The following MIR2052HG variants were observed in gnomAD, a reference collection of about 807,000 sequenced individuals.
MIR2052HG encodes the protein MIR2052 host gene.
At chr8:74,634,849 G>C (rs1426311535) in intron 2 of MIR2052HG, among the ~76,000 whole-genome samples, 1 of 152,000 alleles carries the variant, frequency 6.6e-6, no homozygotes, top group Admixed American at 6.6e-5. Flanking sequence ...GATTCACTGA[G>C]ATTTTGGCAG....
chr8:74,604,233 A>G, intron 1 of MIR2052HG: 1 of 891,692 alleles, frequency 1.1e-6, no homozygotes, highest in South Asian at 1.3e-5. Flanking sequence ...CTTCAATCAC[A>G]CTGGTTTCCA....
intron 2 of MIR2052HG, among the ~76,000 whole-genome samples, chr8:74,660,920 A>T (rs1204751599): frequency 6.6e-6 from 1 of 152,184 alleles, no homozygotes; most frequent in Non-Finnish European, 1.5e-5. Flanking sequence ...TGAAAACCTG[A>T]TAACAGTTGG....
intron 2 of MIR2052HG, among the ~76,000 whole-genome samples, chr8:74,636,613 C>G (rs1477819075): frequency 2.0e-5 from 3 of 152,088 alleles, no homozygotes; most frequent in Admixed American, 1.3e-4. Context: ...GTGTCTTTCA[C>G]CATTTTATGG....
intron 4 of MIR2052HG, among the ~76,000 whole-genome samples, chr8:74,748,310 T>C (rs1440391609): frequency 1.3e-5 from 2 of 152,200 alleles, no homozygotes; most frequent in Non-Finnish European, 2.9e-5. Flanking sequence ...AATAGTGTTC[T>C]TGGTCTAGTA....
At chr8:74,651,337 G>A (rs1229925814) in intron 2 of MIR2052HG, among the ~76,000 whole-genome samples, 2 of 151,918 alleles carry the variant, frequency 1.3e-5, no homozygotes, top group East Asian at 3.9e-4. Flanking sequence ...CCACTATATT[G>A]CAAGGTGAAT....
At position 74,708,154 on chromosome 8, in the gene MIR2052HG, C is replaced by T. The variant is rs535615615; in HGVS notation, n.371+4472C>T. Reference sequence around the variant, plus strand: ...CCTCATAAATTTTATGAAGAGACCCCGTGATCTGGCATCTTGAGTTGGCAT... The same window carrying T: ...CCTCATAAATTTTATGAAGAGACCCTGTGATCTGGCATCTTGAGTTGGCAT... On this transcript the variant is annotated intron_variant and non_coding_transcript_variant, in intron 4 of 6. Transcript: ENST00000523442. Among the ~76,000 whole-genome samples, 10 of 152,146 alleles carry T rather than the reference C, an allele frequency of 6.6e-5. 1 individual carries two copies. The South Asian group carries it at 1.7e-3, about 25-fold the overall frequency.
chr8:74,743,579 A>G (rs1326998546), intron 4 of MIR2052HG, among the ~76,000 whole-genome samples: 3 of 152,206 alleles, frequency 2.0e-5, no homozygotes, highest in Non-Finnish European at 2.9e-5. Context: ...AATCCCAAAC[A>G]ATTAAGCCAA....
chr8:74,733,336 G>T lies in MIR2052HG; in HGVS notation n.372-19105G>T, dbSNP rs532950934. Among the ~76,000 whole-genome samples, 12 of 152,146 alleles carry T rather than the reference G, an allele frequency of 7.9e-5. No homozygotes were observed. The South Asian group carries it at 1.5e-3, about 18-fold the overall frequency. ...TATGAGTGAGTATATGCAGTGTTTG[G>T]TTTTTTGTTCTTGTGACAGTTTACT... On this transcript the variant is annotated intron_variant and non_coding_transcript_variant, in intron 4 of 6. Coordinates refer to ENST00000523442, the Ensembl canonical transcript of MIR2052HG.
rs544052382 is a variant in MIR2052HG, at chr8:74,637,598, T to C, written n.216+24658T>C. Among the ~76,000 whole-genome samples, 8 of 152,312 alleles carry C rather than the reference T, an allele frequency of 5.3e-5. No homozygotes were observed. In the South Asian group the frequency reaches 1.7e-3, roughly 32 times the overall value. On this transcript the variant is annotated intron_variant and non_coding_transcript_variant, in intron 2 of 6. Transcript: ENST00000523442. Reference sequence around the variant, plus strand: ...TAAAGGAAATATAAATAGCACACTTTGGAGAACTTTCATGAGTATCACTCT... The same window carrying C: ...TAAAGGAAATATAAATAGCACACTTCGGAGAACTTTCATGAGTATCACTCT...
At chr8:74,680,826 A>G (rs1200211009) in intron 2 of MIR2052HG, among the ~76,000 whole-genome samples, 6 of 151,512 alleles carry the variant, frequency 4.0e-5, no homozygotes, top group African/African-American at 9.7e-5. Context: ...ATGTCCAACA[A>G]TGATAGACTG....
At chr8:74,678,616 A>G (rs1464555897) in intron 2 of MIR2052HG, among the ~76,000 whole-genome samples, 1 of 150,792 alleles carries the variant, frequency 6.6e-6, no homozygotes, top group African/African-American at 2.4e-5. Flanking sequence ...TTCCCAAGTC[A>G]TTTAATAAGG....
chr8:74,728,713 A>G (rs778525054), intron 4 of MIR2052HG, among the ~76,000 whole-genome samples: 6 of 152,182 alleles, frequency 3.9e-5, no homozygotes, highest in Non-Finnish European at 8.8e-5. Flanking sequence ...ATTAACAAGC[A>G]AAAGAGGTAA....
At chr8:74,738,198 C>T (rs1394611837) in intron 4 of MIR2052HG, among the ~76,000 whole-genome samples, 1 of 151,834 alleles carries the variant, frequency 6.6e-6, no homozygotes, top group Non-Finnish European at 1.5e-5. Flanking sequence ...TGGCACTTGA[C>T]ATTCAAGGCC....
chr8:74,735,146 T>C (rs1232808589), intron 4 of MIR2052HG, among the ~76,000 whole-genome samples: 1 of 152,166 alleles, frequency 6.6e-6, no homozygotes, highest in African/African-American at 2.4e-5. Context: ...CACAGGTTGT[T>C]GTGAGGATGA....
chr8:74,631,336 G>C (rs951016584), intron 2 of MIR2052HG, among the ~76,000 whole-genome samples: 1 of 152,210 alleles, frequency 6.6e-6, no homozygotes, highest in East Asian at 1.9e-4. Flanking sequence ...AGCAGCAATG[G>C]TTTCTGGTAT....
At chr8:74,646,302 AG>A (rs1451242230) in intron 2 of MIR2052HG, among the ~76,000 whole-genome samples, 8 of 152,332 alleles carry the variant, frequency 5.3e-5, no homozygotes, top group African/African-American at 1.9e-4. Flanking sequence ...CAGTGTGAAG[AG>A]TGGCTTGGTG....
intron 5 of MIR2052HG, among the ~76,000 whole-genome samples, chr8:74,753,980 T>C (rs1224436927): frequency 1.3e-5 from 2 of 152,196 alleles, no homozygotes; most frequent in African/African-American, 4.8e-5. Context: ...ATGTTACCAA[T>C]AATGGGCTGA....
intron 2 of MIR2052HG, among the ~76,000 whole-genome samples, chr8:74,618,992 T>C (rs1808323642): frequency 6.6e-6 from 1 of 152,216 alleles, no homozygotes; most frequent in Non-Finnish European, 1.5e-5. Flanking sequence ...CATTTTTATA[T>C]GTTAACAATG....
chr8:74,604,454 G>A (rs1215187247), intron 1 of MIR2052HG, among the ~76,000 whole-genome samples: 4 of 127,188 alleles, frequency 3.1e-5, no homozygotes, highest in Admixed American at 7.9e-5. Flanking sequence ...GGAAGGTGGG[G>A]TGGAGGAGGA....
Sources: allele counts gnomAD v4.1 joint callset (sites outside exome capture counted in the v4.1 genomes callset), GRCh38; gene constraint gnomAD v4.1.1; transcripts MANE v1.5; gene names NCBI Gene and HGNC (gene_info 2026-07-23, HGNC 2026-07-21).